DMXL2: variants seen among roughly 807,000 people sequenced by gnomAD.
DMXL2 encodes dmX-like protein 2.
A neutral mutation model predicts 331.1 loss-of-function variants in DMXL2; 103 were observed. The observed-to-expected ratio is 0.31, with a 90% CI of 0.27 to 0.37. The LOEUF is 0.37. DMXL2 is among the 10% of genes least tolerant of loss of function. The pLI is 1.00. For synonymous variants in DMXL2, 1,281 were observed against 1,252.1 expected (o/e 1.02, Z -0.49); for missense variants, 3,171 against 3,642.9 (o/e 0.87, Z 3.33).
chr15:51,463,536 T>C (rs781276826), intron 32 of DMXL2, 40 bp from the exon 33 acceptor site: 18 of 1,143,076 alleles, frequency 1.6e-5, no homozygotes, highest in East Asian at 1.5e-4. Flanking sequence ...CTTTAGTCTA[T>C]AGAAAATATG....
At position 51,547,390 on chromosome 15, in the gene DMXL2, C is replaced by T; in HGVS notation, c.586G>A (p.Val196Met). 2.5e-6 allele frequency: 4 copies of T among 1,587,384 alleles called. No individual in the cohort carries two copies. Among genetic ancestry groups the T allele is most frequent in the Non-Finnish European group, 3.4e-6 (4 of 1,171,408 alleles). ...TAGKDDCLLK[V>M]WYPMTGWKSS... ...TTCCAACCAGTCATAGGATACCACA[C>T]TTTCAAAAGACAATCATCCTGAAAA... Residue 196 changes from valine to methionine, a missense_variant, in exon 7 of 44, where the codon GTG becomes ATG. By Grantham distance (21) the Val-to-Met change is conservative (BLOSUM62 1). This residue lies in a region of DMXL2 where 1,674 missense variants were observed against 1,780.2 expected (regional missense o/e 0.94). Coordinates refer to ENST00000560891, the MANE Select transcript of DMXL2 (RefSeq NM_001378457.1).
chr15:51,527,584 C>T (rs191211803), intron 13 of DMXL2, among the ~76,000 whole-genome samples: 232 of 152,108 alleles, frequency 1.5e-3, no homozygotes, highest in Non-Finnish European at 2.8e-3. Context: ...AAAAAATTAG[C>T]TGGGCGTGGC....
intron 16 of DMXL2, among the ~76,000 whole-genome samples, chr15:51,504,616 A>G (rs1234915966): frequency 2.6e-5 from 4 of 152,242 alleles, no homozygotes; most frequent in African/African-American, 9.6e-5. Context: ...TATTCAATAA[A>G]TAATAATCCT....
At position 51,569,163 on chromosome 15, in the gene DMXL2, C is replaced by T. The variant is rs146925535; in HGVS notation, c.214-605G>A. 4.6e-3 allele frequency among the ~76,000 whole-genome samples: 703 copies of T among 152,306 alleles called. 7 individuals carry two copies. Among genetic ancestry groups the T allele is most frequent in the African/African-American group, 0.016 (673 of 41,572 alleles). On this transcript the variant is annotated intron_variant, in intron 2 of 43. Coordinates refer to ENST00000560891, the MANE Select transcript of DMXL2 (RefSeq NM_001378457.1). ...TCTGGTTCAGCGGGTCCCACCCCCA[C>T]GGAGCCCAGCAAGCTAAGATCCACT...
chr15:51,565,238 C>T, intron 3 of DMXL2, 72 bp from the exon 4 acceptor site: 1 of 914,146 alleles, frequency 1.1e-6, no homozygotes, highest in Non-Finnish European at 1.6e-6. Context: ...CAAAACACTA[C>T]CATTTTATCA....
chr15:51,551,037 T>A (rs1029950878), intron 6 of DMXL2, among the ~76,000 whole-genome samples: 1 of 151,814 alleles, frequency 6.6e-6, no homozygotes, highest in African/African-American at 2.4e-5. Flanking sequence ...TGCCTTCTAG[T>A]GGGAGATCCA....
At chr15:51,552,545 T>C (rs1724223037) in intron 6 of DMXL2, among the ~76,000 whole-genome samples, 1 of 152,250 alleles carries the variant, frequency 6.6e-6, no homozygotes, top group Non-Finnish European at 1.5e-5. Context: ...CCATGTGTTC[T>C]AGGTCTTTTG....
chr15:51,525,750 T>C (rs990246619), intron 13 of DMXL2, among the ~76,000 whole-genome samples: 6 of 151,970 alleles, frequency 3.9e-5, no homozygotes, highest in African/African-American at 1.5e-4. Flanking sequence ...GACTGTGTCT[T>C]GTGGTTTGAG....
intron 19 of DMXL2, among the ~76,000 whole-genome samples, chr15:51,493,429 T>C (rs1235063282): frequency 2.6e-5 from 4 of 152,174 alleles, no homozygotes; most frequent in Non-Finnish European, 4.4e-5. Flanking sequence ...GTGAATGTAT[T>C]TGAAAACCTG....
At chr15:51,487,590 T>C (rs914140814) in intron 22 of DMXL2, among the ~76,000 whole-genome samples, 1 of 152,186 alleles carries the variant, frequency 6.6e-6, no homozygotes, top group African/African-American at 2.4e-5. Context: ...CCCGAGTAGC[T>C]GGGACTATAG....
Position 51,458,502 on chromosome 15 carries a change from A to C in DMXL2, c.8198+4T>G, listed in dbSNP as rs1429965093. The C allele has an allele frequency of 6.2e-7, 1 of 1,613,138 alleles. No individual in the cohort carries two copies. Among genetic ancestry groups the C allele is most frequent in the South Asian group, 1.1e-5 (1 of 90,898 alleles). ...CTATATGTAAAAGTGACTATGAGAC[A>C]AACCTTTTGGATTCTCTGTCATATT... On this transcript the variant is annotated splice_donor_region_variant and intron_variant, in intron 36 of 43. Transcript: ENST00000560891.
intron 28 of DMXL2, among the ~76,000 whole-genome samples, chr15:51,471,780 G>T (rs1408003799): frequency 6.6e-6 from 1 of 152,128 alleles, no homozygotes; most frequent in East Asian, 1.9e-4. Flanking sequence ...TTAAAAGAAG[G>T]GCAGAAGTTC....
chr15:51,546,206 A>C (rs2048880780), intron 7 of DMXL2, among the ~76,000 whole-genome samples: 1 of 152,146 alleles, frequency 6.6e-6, no homozygotes, highest in Non-Finnish European at 1.5e-5. Context: ...TAAAACTGTA[A>C]GGAGAATATA....
rs1473835970 is a variant in DMXL2, at chr15:51,499,256, C to T, written c.3968G>A (p.Cys1323Tyr). The T allele has an allele frequency of 1.9e-6, 3 of 1,613,844 alleles. No homozygotes were observed. Among genetic ancestry groups the T allele is most frequent in the Non-Finnish European group, 2.5e-6 (3 of 1,179,980 alleles). The change falls in exon 18 of 44, where the codon TGT becomes TAT. Residue 1323 changes from cysteine to tyrosine, a missense_variant. Cys to Tyr is a radical substitution (Grantham distance 194). Around this residue, in one of 7 missense-constraint regions of DMXL2, gnomAD observed 1,674 missense variants for 1,780.2 expected, o/e 0.94. Transcript: ENST00000560891. ...EGTAISDDVF[C>Y]SPTVIQDGGL... is the part of the protein sequence containing the mutation. ...ACCATCTTGAATTACAGTTGGTGAACAAAAAACATCATCAGAAATAGCTGT... is the reference window on the plus strand; with the variant it reads ...ACCATCTTGAATTACAGTTGGTGAATAAAAAACATCATCAGAAATAGCTGT...
chr15:51,499,830 C>T lies in DMXL2; in HGVS notation c.3394G>A (p.Gly1132Arg), dbSNP rs1171869056. ...CTGACCCTTGAATCAAGTACACTCC[C>T]AACCTTAACCAAATCATCAAGATGA... ...TIHLDDLVKVGSVLDSRVSVD... is the reference protein window; with the variant it reads ...TIHLDDLVKVRSVLDSRVSVD... The change falls in exon 18 of 44, where the codon GGG becomes AGG. Residue 1132 changes from glycine (G) to arginine (R), a missense_variant. Gly to Arg is a moderately radical substitution (Grantham distance 125). Transcript: ENST00000560891. The T allele has an allele frequency of 8.7e-6, 14 of 1,614,164 alleles. No homozygotes were observed. Among genetic ancestry groups the T allele is most frequent in the Middle Eastern group, 1.6e-4 (1 of 6,062 alleles).
intron 28 of DMXL2, among the ~76,000 whole-genome samples, chr15:51,471,998 CAAT>C: frequency 6.6e-6 from 1 of 152,152 alleles, no homozygotes; most frequent in East Asian, 1.9e-4. Flanking sequence ...TTTAGTCACA[CAAT>C]GAGGTATGGC....
chr15:51,513,918 T>C (rs1422816223), intron 15 of DMXL2, among the ~76,000 whole-genome samples: 3 of 152,172 alleles, frequency 2.0e-5, no homozygotes, highest in Non-Finnish European at 4.4e-5. Flanking sequence ...ATATTGTTTG[T>C]TTTTGAAAGG....
chr15:51,578,906 A>T (rs1423746859), intron 1 of DMXL2, among the ~76,000 whole-genome samples: 1 of 152,150 alleles, frequency 6.6e-6, no homozygotes, highest in African/African-American at 2.4e-5. Context: ...GGAGTTCGAG[A>T]ATAGCCTGGG....
chr15:51,521,414 C>CTAG (rs10667947), intron 13 of DMXL2, among the ~76,000 whole-genome samples: 42,168 of 141,736 alleles, frequency 0.3, 6,492 homozygotes, highest in East Asian at 0.37. Context: ...TAAAAGTTTG[C>CTAG]TAGTAGTAGT....
Sources: allele counts gnomAD v4.1 joint callset (sites outside exome capture counted in the v4.1 genomes callset), GRCh38; gene constraint gnomAD v4.1.1; regional missense constraint gnomAD v4.1.1; transcripts MANE v1.5; gene names NCBI Gene and HGNC (gene_info 2026-07-23, HGNC 2026-07-21).